Variants in SLC30A7 observed in about 807,000 individuals in gnomAD.
SLC30A7 encodes solute carrier family 30 member 7.
Under a neutral mutation model 46.0 loss-of-function variants are expected in SLC30A7, and 35 were observed. The ratio of observed to expected loss-of-function variants is 0.76; its 90% CI spans 0.58 to 1.01. SLC30A7 has a LOEUF of 1.01. SLC30A7 is among the 50% of genes least tolerant of loss of function. The pLI, the probability that SLC30A7 is intolerant of heterozygous loss-of-function variation, is 0.00. For missense variants in SLC30A7, 464 were observed against 451.1 expected (o/e 1.03, Z -0.26); for synonymous variants, 147 against 157.8 (o/e 0.93, Z 0.51).
chr1:100,950,165 C>T (rs1249719263), intron 8 of SLC30A7, among the ~76,000 whole-genome samples: 1 of 152,244 alleles, frequency 6.6e-6, no homozygotes, highest in East Asian at 1.9e-4. Flanking sequence ...TAATTTCAAA[C>T]TCTCCACCAC....
At chr1:100,935,611 T>C (rs1227391725) in intron 8 of SLC30A7, among the ~76,000 whole-genome samples, 1 of 152,212 alleles carries the variant, frequency 6.6e-6, no homozygotes, top group Non-Finnish European at 1.5e-5. Context: ...ATGAGGTTTT[T>C]AAAGCCAACT....
intron 8 of SLC30A7, among the ~76,000 whole-genome samples, chr1:100,926,462 C>A (rs1653313091): frequency 6.6e-6 from 1 of 152,032 alleles, no homozygotes; most frequent in African/African-American, 2.4e-5. Flanking sequence ...AAAACAATGA[C>A]TAAATCTGGA....
At chr1:100,916,609 C>A (rs12750448) in intron 6 of SLC30A7, among the ~76,000 whole-genome samples, 16,159 of 152,014 alleles carry the variant, frequency 0.11, 932 homozygotes, top group Middle Eastern at 0.22. Flanking sequence ...TACAAACAAT[C>A]CAGTTACACT....
chr1:100,988,830 A>G, the SLC30A7 span, among the ~76,000 whole-genome samples: 19 of 152,296 alleles, frequency 1.2e-4, no homozygotes, highest in South Asian at 3.7e-3. Context: ...AGCCTGGGCT[A>G]CAGAGTGAGA....
intron 2 of SLC30A7, among the ~76,000 whole-genome samples, chr1:100,898,025 C>T (rs1651077584): frequency 6.6e-6 from 1 of 151,918 alleles, no homozygotes; most frequent in Non-Finnish European, 1.5e-5. Context: ...TTTTCTCTTC[C>T]TAAATTATGC....
At chr1:100,989,579 T>A in the SLC30A7 span, 9 of 152,214 alleles carry the variant, frequency 5.9e-5, no homozygotes, top group Non-Finnish European at 1.3e-4. Context: ...CCTCATGCAG[T>A]AGGGACAGCT....
chr1:100,918,058 A>G lies in SLC30A7; in HGVS notation c.656-19A>G, dbSNP rs376844814. On this transcript the variant is annotated intron_variant, in intron 6 of 10. Coordinates refer to ENST00000357650, the MANE Select transcript of SLC30A7 (RefSeq NM_133496.5). ...TGAGGAATTGAAAACATGTTTTAAAATAACTTAATTCTCTACAGATGGCCC... is the reference window on the plus strand; with the variant it reads ...TGAGGAATTGAAAACATGTTTTAAAGTAACTTAATTCTCTACAGATGGCCC... 1.9e-6 allele frequency: 3 copies of G among 1,598,986 alleles called. No homozygotes were observed. The highest frequency in any genetic ancestry group is 2.6e-6 in the Non-Finnish European group (3 of 1,171,714).
At chr1:100,897,421 C>T (rs1311212582) in intron 2 of SLC30A7, among the ~76,000 whole-genome samples, 2 of 152,022 alleles carry the variant, frequency 1.3e-5, no homozygotes, top group East Asian at 3.9e-4. Flanking sequence ...TGTCACACTC[C>T]TAGGTGTACT....
chr1:100,913,145 T>G (rs1652235267), intron 5 of SLC30A7, among the ~76,000 whole-genome samples: 1 of 152,240 alleles, frequency 6.6e-6, no homozygotes, highest in Admixed American at 6.5e-5. Flanking sequence ...TTTAGCTTTT[T>G]CTACCTGCTT....
At chr1:100,993,739 G>A in the SLC30A7 span, among the ~76,000 whole-genome samples, 1 of 150,436 alleles carries the variant, frequency 6.6e-6, no homozygotes, top group African/African-American at 2.5e-5. Flanking sequence ...AAAAAAGTTT[G>A]TAAAAAGGCA....
chr1:100,953,006 T>C (rs1655037459), intron 8 of SLC30A7, among the ~76,000 whole-genome samples: 1 of 152,184 alleles, frequency 6.6e-6, no homozygotes, highest in Non-Finnish European at 1.5e-5. Context: ...GGTGATTGGA[T>C]CATGGGTGTA....
chr1:100,926,944 A>G (rs1302683077), intron 8 of SLC30A7, among the ~76,000 whole-genome samples: 2 of 152,178 alleles, frequency 1.3e-5, no homozygotes, highest in African/African-American at 4.8e-5. Flanking sequence ...CAGAGACTAA[A>G]TGGTGGAGGA....
intron 8 of SLC30A7, among the ~76,000 whole-genome samples, chr1:100,923,004 A>AT (rs71084855): frequency 0.014 from 677 of 49,162 alleles, 172 homozygotes; most frequent in Non-Finnish European, 0.018. Flanking sequence ...GTTAGAATAG[A>AT]TTTTTTTTTT....
intron 2 of SLC30A7, 25 bp downstream of exon 2, chr1:100,896,696 G>A: frequency 6.3e-7 from 1 of 1,598,386 alleles, no homozygotes; most frequent in Non-Finnish European, 8.6e-7. Context: ...AAATGGTTTG[G>A]GCGGAAGCTG....
chr1:100,903,300 T>C (rs917497025), intron 2 of SLC30A7, among the ~76,000 whole-genome samples: 3 of 152,106 alleles, frequency 2.0e-5, no homozygotes, highest in African/African-American at 7.2e-5. Flanking sequence ...AACAAAATCA[T>C]AGACAATGTC....
chr1:100,934,966 C>T (rs1394658482), intron 8 of SLC30A7, among the ~76,000 whole-genome samples: 3 of 152,054 alleles, frequency 2.0e-5, no homozygotes, highest in African/African-American at 7.3e-5. Flanking sequence ...ACTGCCACTG[C>T]ACTCCAGCCT....
At chr1:100,990,566 C>G in the SLC30A7 span, 5 of 1,614,032 alleles carry the variant, frequency 3.1e-6, no homozygotes, top group Admixed American at 8.3e-5. Context: ...AAAGTGCCTG[C>G]TGCAATTTTC....
intron 9 of SLC30A7, among the ~76,000 whole-genome samples, chr1:100,964,503 G>A: frequency 6.6e-6 from 1 of 151,676 alleles, no homozygotes; most frequent in East Asian, 1.9e-4. Context: ...CTCACCTTAG[G>A]TCCAAATGCT....
intron 10 of SLC30A7, among the ~76,000 whole-genome samples, chr1:100,970,614 T>G (rs985255648): frequency 2.6e-5 from 4 of 151,812 alleles, no homozygotes; most frequent in Non-Finnish European, 5.9e-5. Flanking sequence ...CACTAATTTT[T>G]TTTTTAATGA....
Sources: gnomAD v4.1 joint callset for allele counts (sites outside exome capture counted in the v4.1 genomes callset) on GRCh38, gnomAD v4.1.1 for gene constraint, MANE v1.5 for transcripts, NCBI Gene and HGNC (gene_info 2026-07-23, HGNC 2026-07-21) for gene names.